CNTNAP5: variants seen among roughly 807,000 people sequenced by gnomAD.
CNTNAP5 encodes contactin-associated protein-like 5.
In CNTNAP5, 72 loss-of-function variants were observed where a neutral mutation model predicts 150.2. The observed-to-expected ratio is 0.48, with a 90% CI of 0.40 to 0.58. The LOEUF (loss-of-function observed/expected upper bound fraction) is 0.58. CNTNAP5 is among the 20% of genes least tolerant of loss of function. The pLI, the probability that CNTNAP5 is intolerant of heterozygous loss-of-function variation, is 0.00. For missense variants in CNTNAP5, 1,636 were observed against 1,626.2 expected (o/e 1.01, Z -0.10); for synonymous variants, 672 against 619.8 (o/e 1.08, Z -1.25).
At chr2:124,774,050 C>A (rs1267249696) in intron 17 of CNTNAP5, among the ~76,000 whole-genome samples, 2 of 151,160 alleles carry the variant, frequency 1.3e-5, no homozygotes, top group Admixed American at 1.3e-4. Flanking sequence ...CTTTAAAGTA[C>A]AAAATCGAGC....
chr2:124,791,948 A>G (rs1045199173), intron 18 of CNTNAP5, among the ~76,000 whole-genome samples: 8 of 152,060 alleles, frequency 5.3e-5, no homozygotes, highest in African/African-American at 1.4e-4. Context: ...AGTCCTCGCA[A>G]TGTAAGTAAG....
At chr2:124,687,539 C>G (rs1308519532) in intron 13 of CNTNAP5, among the ~76,000 whole-genome samples, 1 of 151,968 alleles carries the variant, frequency 6.6e-6, no homozygotes, top group East Asian at 1.9e-4. Context: ...TTTTTCTTAA[C>G]TTCCTCTCTT....
chr2:124,831,910 C>A (rs996620522), intron 19 of CNTNAP5, among the ~76,000 whole-genome samples: 2 of 151,974 alleles, frequency 1.3e-5, no homozygotes, highest in Non-Finnish European at 2.9e-5. Flanking sequence ...ACCATTTTTA[C>A]AGCCTGTGAA....
intron 1 of CNTNAP5, among the ~76,000 whole-genome samples, chr2:124,115,070 ATAT>A (rs1194941565): frequency 2.0e-5 from 3 of 152,064 alleles, no homozygotes; most frequent in Non-Finnish European, 2.9e-5. Flanking sequence ...TATGATTAGC[ATAT>A]TATTATGTCA....
chr2:124,220,330 T>C (rs962188289), intron 1 of CNTNAP5, among the ~76,000 whole-genome samples: 11 of 152,232 alleles, frequency 7.2e-5, no homozygotes, highest in Middle Eastern at 6.8e-3. Flanking sequence ...AGAATATTGG[T>C]AATAGTATAC....
chr2:124,759,110 A>G (rs1045064167), intron 14 of CNTNAP5, among the ~76,000 whole-genome samples: 1 of 151,960 alleles, frequency 6.6e-6, no homozygotes, highest in Admixed American at 6.6e-5. Context: ...ATTTGGGAAC[A>G]TTTTTGAGAG....
At chr2:124,029,050 C>T (rs1462260009) in intron 1 of CNTNAP5, among the ~76,000 whole-genome samples, 3 of 152,020 alleles carry the variant, frequency 2.0e-5, no homozygotes, top group Non-Finnish European at 4.4e-5. Flanking sequence ...TAATTTTGAG[C>T]AATACATCAC....
At chr2:124,832,521 C>G (rs932852880) in intron 19 of CNTNAP5, among the ~76,000 whole-genome samples, 1 of 152,044 alleles carries the variant, frequency 6.6e-6, no homozygotes, top group Admixed American at 6.6e-5. Flanking sequence ...CATGACTAAA[C>G]TTTATTTGAC....
At chr2:124,268,528 G>A (rs114451354) in intron 3 of CNTNAP5, among the ~76,000 whole-genome samples, 207 of 152,280 alleles carry the variant, frequency 1.4e-3, no homozygotes, top group African/African-American at 4.6e-3. Context: ...CCTACCATAT[G>A]CTTACTTAGG....
chr2:124,856,075 GGT>G (rs56676705), intron 19 of CNTNAP5, among the ~76,000 whole-genome samples: 10,543 of 143,918 alleles, frequency 0.073, 485 homozygotes, highest in African/African-American at 0.13. Context: ...AATAGTCCAT[GGT>G]GTGTGTGTGT....
At chr2:124,151,156 A>G (rs184783705) in intron 1 of CNTNAP5, among the ~76,000 whole-genome samples, 9 of 152,284 alleles carry the variant, frequency 5.9e-5, no homozygotes, top group Admixed American at 3.9e-4. Flanking sequence ...CACGTGTCCA[A>G]TGAGTACAAG....
chr2:124,404,476 C>T (rs1038912774), intron 3 of CNTNAP5, among the ~76,000 whole-genome samples: 2 of 152,194 alleles, frequency 1.3e-5, no homozygotes, highest in South Asian at 4.1e-4. Context: ...CTTAGCCTCA[C>T]AGTGTCTCCC....
chr2:124,800,838 A>G (rs914801026), intron 19 of CNTNAP5, among the ~76,000 whole-genome samples: 2 of 152,220 alleles, frequency 1.3e-5, no homozygotes, highest in Non-Finnish European at 2.9e-5. Flanking sequence ...AAGTTCAGGT[A>G]TGAGTCCTGA....
intron 1 of CNTNAP5, among the ~76,000 whole-genome samples, chr2:124,050,006 T>C (rs908641786): frequency 1.3e-5 from 2 of 152,164 alleles, no homozygotes; most frequent in Non-Finnish European, 2.9e-5. Flanking sequence ...TCACCTCTCA[T>C]AGTTTCTACT....
intron 3 of CNTNAP5, among the ~76,000 whole-genome samples, chr2:124,331,526 T>C (rs961248782): frequency 6.6e-6 from 1 of 152,050 alleles, no homozygotes; most frequent in Non-Finnish European, 1.5e-5. Flanking sequence ...GGTGCTATTC[T>C]GGAACTTCCA....
intron 3 of CNTNAP5, among the ~76,000 whole-genome samples, chr2:124,359,386 A>T (rs1278547782): frequency 6.6e-6 from 1 of 151,276 alleles, no homozygotes; most frequent in Non-Finnish European, 1.5e-5. Flanking sequence ...CGTTCTTTTA[A>T]TTGTGATGTT....
At position 124,543,982 on chromosome 2, in the gene CNTNAP5, A is replaced by G. The variant is rs545746031; in HGVS notation, c.1649+16526A>G. Among the ~76,000 whole-genome samples, 9 of 152,212 alleles carry G rather than the reference A, an allele frequency of 5.9e-5. No homozygotes were observed. The South Asian group carries it at 1.9e-3, about 32-fold the overall frequency. ...TTTTCCTGCTAATTTTCTTGTTCAAATCCATAGAGAACTATAATAAAATAT... is the reference window on the plus strand; with the variant it reads ...TTTTCCTGCTAATTTTCTTGTTCAAGTCCATAGAGAACTATAATAAAATAT... On this transcript the variant is annotated intron_variant, in intron 10 of 23. Transcript: ENST00000682447.
intron 3 of CNTNAP5, among the ~76,000 whole-genome samples, chr2:124,287,696 A>G (rs1170590): frequency 0.98 from 149,559 of 152,290 alleles, 73,495 homozygotes; most frequent in East Asian, 1. Flanking sequence ...CATAATTCTC[A>G]TCTAAGAGCC....
At chr2:124,328,790 A>T (rs1442278513) in intron 3 of CNTNAP5, among the ~76,000 whole-genome samples, 1 of 152,170 alleles carries the variant, frequency 6.6e-6, no homozygotes, top group Non-Finnish European at 1.5e-5. Context: ...GATCAGGTGA[A>T]AATTAAAATC....
Sources: allele counts gnomAD v4.1 joint callset (sites outside exome capture counted in the v4.1 genomes callset), GRCh38; gene constraint gnomAD v4.1.1; transcripts MANE v1.5; gene names NCBI Gene and HGNC (gene_info 2026-07-23, HGNC 2026-07-21).